FRMD5: variants seen among roughly 807,000 people sequenced by gnomAD.
FRMD5 encodes the protein FERM domain-containing protein 5.
FRMD5 carries 20 observed loss-of-function variants against 69.0 expected under a neutral mutation model. That is an observed-to-expected ratio of 0.29 (90% CI 0.20 to 0.42). The LOEUF (loss-of-function observed/expected upper bound fraction) is 0.42. Among genes scored for constraint, FRMD5 ranks in the 10% least tolerant of loss-of-function variants. The probability of loss-of-function intolerance (pLI) is 1.00; values close to 1 mark genes in which losing one functional copy is unlikely to be tolerated. For missense variants in FRMD5, 595 were observed against 708.6 expected (o/e 0.84, Z 1.82); for synonymous variants, 271 against 260.1 (o/e 1.04, Z -0.40).
At chr15:44,175,316 C>T (rs975061744) in intron 1 of FRMD5, among the ~76,000 whole-genome samples, 2 of 152,150 alleles carry the variant, frequency 1.3e-5, no homozygotes, top group Non-Finnish European at 2.9e-5. Context: ...GAAATGAACT[C>T]TTTCAAGTCT....
intron 1 of FRMD5, chr15:44,101,329 TA>T (rs2076637341): frequency 6.6e-6 from 1 of 152,530 alleles, no homozygotes; most frequent in Non-Finnish European, 1.5e-5. Context: ...GCAGGCAGGG[TA>T]TGAAATCAAA....
chr15:44,026,316 A>G (rs1163473151), intron 1 of FRMD5, among the ~76,000 whole-genome samples: 1 of 152,164 alleles, frequency 6.6e-6, no homozygotes, highest in East Asian at 1.9e-4. Flanking sequence ...TTCATTCAGT[A>G]TGTTTTGTCT....
At chr15:43,907,006 A>G (rs958650552) in intron 5 of FRMD5, among the ~76,000 whole-genome samples, 3 of 152,114 alleles carry the variant, frequency 2.0e-5, no homozygotes, top group Admixed American at 6.5e-5. Context: ...GTAAGATCTC[A>G]GGGCAGTAAA....
Position 43,872,059 on chromosome 15 carries a change from T to TTTACAAATTATC in FRMD5, c.*1814_*1825dup, listed in dbSNP as rs1291825775. 6.6e-6 allele frequency: 1 copy of TTTACAAATTATC among 152,228 alleles called. No homozygotes were observed. The highest frequency in any genetic ancestry group is 1.5e-5 in the Non-Finnish European group (1 of 68,040). The allele number at this position is 152,228 out of a possible 1,614,324, so 9.4% of individuals were successfully genotyped here. On this transcript the variant is annotated 3_prime_UTR_variant, in exon 14 of 14. Coordinates refer to ENST00000417257, the MANE Select transcript of FRMD5 (RefSeq NM_032892.5). ...ATTGGAACACAGCCATGTTCCTTCA[T>TTTACAAATTATC]TTACAAATTATCTGTGGCTGTTTTT...
chr15:43,954,725 G>A (rs1199917849), intron 1 of FRMD5, among the ~76,000 whole-genome samples: 1 of 152,140 alleles, frequency 6.6e-6, no homozygotes, highest in Non-Finnish European at 1.5e-5. Context: ...GTTTAACAGG[G>A]GATCAGAGGG....
intron 13 of FRMD5, among the ~76,000 whole-genome samples, chr15:43,876,772 C>G (rs1364663461): frequency 6.6e-6 from 1 of 152,168 alleles, no homozygotes; most frequent in African/African-American, 2.4e-5. Context: ...CTGGCCAGCT[C>G]CCTCTCTTTT....
intron 1 of FRMD5, among the ~76,000 whole-genome samples, chr15:44,079,670 A>G (rs181440094): frequency 6.6e-6 from 1 of 152,174 alleles, no homozygotes; most frequent in Non-Finnish European, 1.5e-5. Flanking sequence ...CCATGTTCAT[A>G]GCAGTATTAT....
At chr15:44,123,672 T>C (rs950197683) in intron 1 of FRMD5, among the ~76,000 whole-genome samples, 1 of 151,984 alleles carries the variant, frequency 6.6e-6, no homozygotes, top group African/African-American at 2.4e-5. Flanking sequence ...TCCAAAAATG[T>C]AAAAGAAAAC....
At chr15:43,940,639 G>A (rs1383853247) in intron 1 of FRMD5, among the ~76,000 whole-genome samples, 2 of 152,206 alleles carry the variant, frequency 1.3e-5, no homozygotes, top group African/African-American at 4.8e-5. Flanking sequence ...TGTATACCAT[G>A]CTAAGAACTA....
chr15:43,986,484 T>C (rs1283960746), intron 1 of FRMD5, among the ~76,000 whole-genome samples: 1 of 152,164 alleles, frequency 6.6e-6, no homozygotes, highest in Non-Finnish European at 1.5e-5. Flanking sequence ...AGGAAAGTGG[T>C]TGTGACGAAA....
chr15:44,153,908 C>A (rs1425477940), intron 1 of FRMD5, among the ~76,000 whole-genome samples: 1 of 151,870 alleles, frequency 6.6e-6, no homozygotes, highest in African/African-American at 2.4e-5. Flanking sequence ...GTAGAGGTTG[C>A]AGTAAGCCAA....
At chr15:44,024,344 C>G (rs1482239932) in intron 1 of FRMD5, among the ~76,000 whole-genome samples, 1 of 152,056 alleles carries the variant, frequency 6.6e-6, no homozygotes, top group African/African-American at 2.4e-5. Context: ...AGTGGAATTG[C>G]TGAGTCACAG....
At position 43,873,679 on chromosome 15, in the gene FRMD5, A is replaced by ATGAG. The variant is rs1361552022; in HGVS notation, c.*202_*205dup. ...TTTCTTGAAATAACTTCTGAAGAAA[A>ATGAG]TGAGTTTTCCCAGTTTGTTTAGACA... On this transcript the variant is annotated 3_prime_UTR_variant, in exon 14 of 14. Coordinates refer to ENST00000417257, the MANE Select transcript of FRMD5 (RefSeq NM_032892.5). The ATGAG allele has an allele frequency of 7.3e-6, 11 of 1,509,614 alleles. No individual in the cohort carries two copies. The African/African-American group carries it at 1.3e-4, about 17-fold the overall frequency. 93.5% of individuals were successfully genotyped at this position (1,509,614 alleles called of 1,614,324 possible).
chr15:43,902,350 T>A, intron 6 of FRMD5, 88 bp from the exon 7 acceptor site: 6 of 1,086,416 alleles, frequency 5.5e-6, no homozygotes, highest in Non-Finnish European at 8.5e-6. Context: ...GTGCTTAGGA[T>A]GAGCCACACA....
chr15:43,990,560 T>C (rs926033197), intron 1 of FRMD5, among the ~76,000 whole-genome samples: 1 of 152,230 alleles, frequency 6.6e-6, no homozygotes, highest in African/African-American at 2.4e-5. Context: ...TAAGATCATA[T>C]AGAGTCAGCT....
chr15:44,084,365 T>C (rs539364137), intron 1 of FRMD5, among the ~76,000 whole-genome samples: 17 of 152,206 alleles, frequency 1.1e-4, no homozygotes, highest in African/African-American at 3.8e-4. Flanking sequence ...ATGGGATGCC[T>C]GAATCACCAT....
rs148546051 is a variant in FRMD5, at chr15:44,081,408, C to T, written c.102+113545G>A. ...TACACATACAGAAAGAAAAGCAAAT[C>T]GGCATTGTGATTCATAAAGAGATCT... On this transcript the variant is annotated intron_variant, in intron 1 of 13. Transcript: ENST00000417257. Among the ~76,000 whole-genome samples, 763 of 152,152 alleles carry T rather than the reference C, an allele frequency of 5.0e-3. 4 individuals are homozygous for T. Among genetic ancestry groups the T allele is most frequent in the Middle Eastern group, 0.01 (3 of 294 alleles).
chr15:44,159,846 C>T lies in FRMD5; in HGVS notation c.102+35107G>A, dbSNP rs1444298705. Among the ~76,000 whole-genome samples the T allele has an allele frequency of 9.8e-5, 15 of 152,286 alleles. No homozygotes were observed. In the East Asian group the frequency reaches 2.9e-3, roughly 29 times the overall value. ...TTTAAGGAGGAAGCCATTTTTCATA[C>T]CTTTAAATAGAATCCAGCACTATCA... On this transcript the variant is annotated intron_variant, in intron 1 of 13. Coordinates refer to ENST00000417257, the MANE Select transcript of FRMD5 (RefSeq NM_032892.5).
At chr15:44,002,800 T>A (rs1890270918) in intron 1 of FRMD5, among the ~76,000 whole-genome samples, 1 of 152,186 alleles carries the variant, frequency 6.6e-6, no homozygotes, top group South Asian at 2.1e-4. Flanking sequence ...TTTCTGCCTT[T>A]TAGTTTTTAC....
Sources: allele counts gnomAD v4.1 joint callset (sites outside exome capture counted in the v4.1 genomes callset), GRCh38; gene constraint gnomAD v4.1.1; transcripts MANE v1.5; gene names NCBI Gene and HGNC (gene_info 2026-07-23, HGNC 2026-07-21).